The following FLT1 variants were observed in gnomAD, a reference collection of about 807,000 sequenced individuals.
The protein encoded by FLT1 is vascular endothelial growth factor receptor 1.
Under a neutral mutation model 156.3 loss-of-function variants are expected in FLT1, and 49 were observed. That is an observed-to-expected ratio of 0.31 (90% CI 0.25 to 0.40). The LOEUF (loss-of-function observed/expected upper bound fraction) is 0.40. Ranked by LOEUF, FLT1 falls within the 10% of genes least tolerant of loss-of-function variation. The pLI is 1.00. For synonymous variants in FLT1, 594 were observed against 583.8 expected, an observed-to-expected ratio of 1.02 and a Z score of -0.25; for missense variants, 1,322 against 1,637.2, an observed-to-expected ratio of 0.81 and a Z score of 3.32.
intron 6 of FLT1, among the ~76,000 whole-genome samples, chr13:28,432,111 C>CT (rs1025612120): frequency 1.9e-3 from 286 of 148,576 alleles, no homozygotes; most frequent in East Asian, 3.9e-3. Context: ...TTGCCGTCTC[C>CT]TTTTTTTTTT....
chr13:28,489,983 T>C (rs1881382619), intron 1 of FLT1, among the ~76,000 whole-genome samples: 1 of 152,238 alleles, frequency 6.6e-6, no homozygotes, highest in East Asian at 1.9e-4. Context: ...TTTAGCACTG[T>C]AATAATGTTA....
At chr13:28,436,601 A>G (rs957925617) in intron 4 of FLT1, among the ~76,000 whole-genome samples, 32 of 152,188 alleles carry the variant, frequency 2.1e-4, no homozygotes, top group African/African-American at 7.5e-4. Context: ...CGCTCCCATG[A>G]AAGAGAACGT....
At chr13:28,407,119 C>G (rs542254770) in intron 10 of FLT1, among the ~76,000 whole-genome samples, 1 of 152,260 alleles carries the variant, frequency 6.6e-6, no homozygotes, top group South Asian at 2.1e-4. Flanking sequence ...GGGGACAAAT[C>G]GACGTATTCA....
rs149230994 is a variant in FLT1, at chr13:28,378,132, T to A, written c.2116+6753A>T. ...GGCGTGATCTCGGCTCACTGCAACC[T>A]TCGCCTCCCGGGTTCAAGAGATTCT... On this transcript the variant is annotated intron_variant, in intron 14 of 29. Coordinates refer to ENST00000282397, the MANE Select transcript of FLT1 (RefSeq NM_002019.4). Among the ~76,000 whole-genome samples, 777 of 151,502 alleles carry A rather than the reference T, an allele frequency of 5.1e-3. 6 individuals are homozygous for A. The highest frequency in any genetic ancestry group is 0.018 in the African/African-American group (738 of 41,192).
Position 28,322,694 on chromosome 13 carries a change from G to A in FLT1, c.2953+96C>T, listed in dbSNP as rs1871513270. The stretch of plus-strand genomic sequence containing the variant: ...ATTACCATTCGAGTCTCCCACGGAT[G>A]TTTATTAGAGTGATAAATAAGAAAA... On this transcript the variant is annotated intron_variant, in intron 21 of 29. Transcript: ENST00000282397. The surrounding 1 kb of genome is among the most constrained non-coding windows in gnomAD (Gnocchi z 4.3). 6 of 1,086,920 alleles carry A rather than the reference G, an allele frequency of 5.5e-6. No individual in the cohort carries two copies. In the East Asian group the frequency reaches 1.4e-4, roughly 25 times the overall value. The allele number at this position is 1,086,920 out of a possible 1,614,324, so 67.3% of individuals were successfully genotyped here.
chr13:28,363,031 C>G (rs1396797459), intron 14 of FLT1, among the ~76,000 whole-genome samples: 1 of 152,120 alleles, frequency 6.6e-6, no homozygotes, highest in Non-Finnish European at 1.5e-5. Flanking sequence ...CGAAAATAAG[C>G]ATGTTATTAC....
intron 24 of FLT1, among the ~76,000 whole-genome samples, chr13:28,319,011 A>G (rs1566283476): frequency 6.6e-6 from 1 of 152,114 alleles, no homozygotes; most frequent in Non-Finnish European, 1.5e-5. Flanking sequence ...GGGGCAGCTG[A>G]GCTTGTTATG....
chr13:28,373,405 C>T (rs1254213325), intron 14 of FLT1, among the ~76,000 whole-genome samples: 4 of 152,002 alleles, frequency 2.6e-5, no homozygotes, highest in African/African-American at 4.8e-5. Flanking sequence ...AATTTAGAGT[C>T]GTGGACTGAG....
chr13:28,476,123 A>G (rs1290784723), intron 1 of FLT1, among the ~76,000 whole-genome samples: 1 of 151,730 alleles, frequency 6.6e-6, no homozygotes, highest in Non-Finnish European at 1.5e-5. Context: ...AAATACACAC[A>G]CACATGCACA....
chr13:28,385,167 C>T, intron 13 of FLT1, 136 bp from the exon 14 acceptor site: 1 of 892,230 alleles, frequency 1.1e-6, no homozygotes, highest in South Asian at 1.5e-5. Context: ...TTCACTTTCT[C>T]TTCAATCATT....
intron 17 of FLT1, among the ~76,000 whole-genome samples, chr13:28,338,278 C>T (rs974681218): frequency 6.6e-6 from 1 of 152,080 alleles, no homozygotes; most frequent in Non-Finnish European, 1.5e-5. Context: ...AGGCTCTCCA[C>T]ACCGAGAGGG....
Position 28,385,045 on chromosome 13 carries a change from A to C in FLT1, c.1970-14T>G. On this transcript the variant is annotated splice_polypyrimidine_tract_variant and intron_variant, in intron 13 of 29. Coordinates refer to ENST00000282397, the MANE Select transcript of FLT1 (RefSeq NM_002019.4). ...GTGCTTCCTGATCTAGTGAAGAAAG[A>C]AAGGGAGCTGTGATTACTCGTCAAC... is the stretch of plus-strand genomic sequence containing the variant. The C allele has an allele frequency of 6.2e-7, 1 of 1,613,830 alleles. No homozygotes were observed.
chr13:28,348,916 CA>C (rs5802478), intron 15 of FLT1, among the ~76,000 whole-genome samples: 2,656 of 122,294 alleles, frequency 0.022, 31 homozygotes, highest in East Asian at 0.1. Context: ...GACTCCGTCT[CA>C]AAAAAAAAAA....
Position 28,303,029 on chromosome 13 carries a change from T to TA in FLT1, c.*137dup, listed in dbSNP as rs1307767758. The stretch of plus-strand genomic sequence containing the variant: ...TTAGTCAAAAAAAAAAAAGCACTAT[T>TA]AAAAAAATCACAAAAAGCAGCTGGC... On this transcript the variant is annotated 3_prime_UTR_variant, in exon 30 of 30. Transcript: ENST00000282397. The TA allele has an allele frequency of 8.3e-6, 6 of 723,942 alleles. No homozygotes were observed. Among genetic ancestry groups the TA allele is most frequent in the African/African-American group, 1.8e-5 (1 of 55,810 alleles). 44.8% of individuals were successfully genotyped at this position (723,942 alleles called of 1,614,324 possible). A position where few individuals can be genotyped will look rare whatever the true frequency, so the allele number is the denominator to read the frequency against.
rs193068273 is a variant in FLT1, at chr13:28,486,550, A to G, written c.64+8230T>C. On this transcript the variant is annotated intron_variant, in intron 1 of 29. Coordinates refer to ENST00000282397, the MANE Select transcript of FLT1 (RefSeq NM_002019.4). ...GGTGTTTGCCAATATTTACATAGAG[A>G]AAAGACTGAGCACTCCACAGCATAA... Among the ~76,000 whole-genome samples the G allele has an allele frequency of 2.8e-4, 43 of 152,344 alleles. 1 individual carries two copies. The South Asian group carries it at 7.7e-3, about 27-fold the overall frequency.
rs1491196507 is a variant in FLT1, at chr13:28,473,670, A to AG, written c.65-6054_65-6053insC. Among the ~76,000 whole-genome samples the AG allele has an allele frequency of 3.1e-5, 4 of 127,140 alleles. No homozygotes were observed. The Admixed American group carries it at 3.3e-4, about 11-fold the overall frequency. 83.4% of individuals were successfully genotyped at this position (127,140 alleles called of 152,430 possible). On this transcript the variant is annotated intron_variant, in intron 1 of 29. Coordinates refer to ENST00000282397, the MANE Select transcript of FLT1 (RefSeq NM_002019.4). ...AAAAGAAAGAAAGAAAGAAAGAAAGAAAGAGAGAGAGAGAGAGAGAGAGAA... is the reference window on the plus strand; with the variant it reads ...AAAAGAAAGAAAGAAAGAAAGAAAGAGAAGAGAGAGAGAGAGAGAGAGAGAA...
At chr13:28,453,823 G>A (rs1178877541) in intron 3 of FLT1, among the ~76,000 whole-genome samples, 1 of 152,158 alleles carries the variant, frequency 6.6e-6, no homozygotes, top group Admixed American at 6.5e-5. Context: ...CACCTTCTGT[G>A]TACTATACCC....
At position 28,322,260 on chromosome 13, in the gene FLT1, A is replaced by G; in HGVS notation, c.3051+2T>C. On this transcript the variant is annotated splice_donor_variant, in intron 22 of 29. Coordinates refer to ENST00000282397, the MANE Select transcript of FLT1 (RefSeq NM_002019.4). LOFTEE classifies it high-confidence loss of function. This position sits in a 1 kb window ranked among gnomAD's most constrained non-coding sequence, Gnocchi z 4.3. ...AGAAAAACAGTAAACAGCAAGACTG[A>G]CCTTTCTGGAAGACAGGAACTCCAT... is the stretch of plus-strand genomic sequence containing the variant. The G allele has an allele frequency of 6.3e-7, 1 of 1,580,592 alleles. No individual in the cohort carries two copies. Among genetic ancestry groups the G allele is most frequent in the South Asian group, 1.1e-5 (1 of 90,402 alleles).
At chr13:28,388,707 CT>C in intron 13 of FLT1, 1 of 1,057,008 alleles carries the variant, frequency 9.5e-7, no homozygotes, top group Non-Finnish European at 1.1e-6. Flanking sequence ...GGAAAGTGGA[CT>C]TTTTTAAAGG....
Sources: allele counts gnomAD v4.1 joint callset (sites outside exome capture counted in the v4.1 genomes callset), GRCh38; gene constraint gnomAD v4.1.1; non-coding constraint Gnocchi (gnomAD v3.1); transcripts MANE v1.5; gene names NCBI Gene and HGNC (gene_info 2026-07-23, HGNC 2026-07-21).